The following METAP1D variants were observed in gnomAD, a reference collection of about 807,000 sequenced individuals.
METAP1D encodes methionyl aminopeptidase type 1D, mitochondrial.
A neutral mutation model predicts 40.5 loss-of-function variants in METAP1D; 31 were observed. The observed-to-expected ratio is 0.77, with a 90% CI of 0.58 to 1.03. The LOEUF (loss-of-function observed/expected upper bound fraction) is 1.03. Ranked by LOEUF, METAP1D falls within the 50% of genes least tolerant of loss-of-function variation. The pLI is 0.00. For missense variants in METAP1D, 411 were observed against 420.7 expected, an observed-to-expected ratio of 0.98 and a Z score of 0.20; for synonymous variants, 151 against 146.4, an observed-to-expected ratio of 1.03 and a Z score of -0.22.
chr2:172,024,042 G>A (rs1206184599), intron 1 of METAP1D, among the ~76,000 whole-genome samples: 1 of 151,960 alleles, frequency 6.6e-6, no homozygotes, highest in Non-Finnish European at 1.5e-5. Context: ...TGTATTTTTA[G>A]TAGAGATGGG....
At chr2:172,072,885 A>G (rs13036209) in intron 6 of METAP1D, among the ~76,000 whole-genome samples, 2 of 151,600 alleles carry the variant, frequency 1.3e-5, no homozygotes, top group African/African-American at 4.8e-5. Flanking sequence ...ATTCTCTGAC[A>G]CCATCTACAC....
chr2:172,011,326 C>T (rs1218610516), intron 1 of METAP1D, among the ~76,000 whole-genome samples: 1 of 150,966 alleles, frequency 6.6e-6, no homozygotes, highest in African/African-American at 2.4e-5. Flanking sequence ...ACTCTGTCGC[C>T]CAGGCTGGAG....
At chr2:172,033,553 A>G (rs548270904) in intron 1 of METAP1D, among the ~76,000 whole-genome samples, 1 of 151,992 alleles carries the variant, frequency 6.6e-6, no homozygotes, top group East Asian at 1.9e-4. Context: ...GCAAGGTTTC[A>G]CTACGTTGGC....
At position 172,044,404 on chromosome 2, in the gene METAP1D, CAAAAAAAA is replaced by C. The variant is rs782088377; in HGVS notation, c.41-17079_41-17072del. On this transcript the variant is annotated intron_variant, in intron 1 of 9. Coordinates refer to ENST00000315796, the MANE Select transcript of METAP1D (RefSeq NM_199227.3). ...TGAAACCCTGTCTCTCTTAAAAATA[CAAAAAAAA>C]AAAAAAAAAAAAAACCCAAAACAAA... is the stretch of plus-strand genomic sequence containing the variant. Among the ~76,000 whole-genome samples, 2 of 69,182 alleles carry C rather than the reference CAAAAAAAA, an allele frequency of 2.9e-5. 1 individual carries two copies. Among genetic ancestry groups the C allele is most frequent in the Non-Finnish European group, 6.6e-5 (2 of 30,312 alleles). 45.4% of individuals were successfully genotyped at this position (69,182 alleles called of 152,430 possible).
At chr2:172,065,033 A>G (rs1690219218) in intron 3 of METAP1D, among the ~76,000 whole-genome samples, 1 of 152,214 alleles carries the variant, frequency 6.6e-6, no homozygotes, top group Non-Finnish European at 1.5e-5. Context: ...AATTACATTT[A>G]TTTAGACATG....
At chr2:172,060,533 T>TTA (rs1246734108) in intron 1 of METAP1D, among the ~76,000 whole-genome samples, 1 of 152,178 alleles carries the variant, frequency 6.6e-6, no homozygotes, top group African/African-American at 2.4e-5. Flanking sequence ...ACGTGCAAGC[T>TTA]TATATAAATG....
At chr2:172,013,147 G>C (rs1688767637) in intron 1 of METAP1D, among the ~76,000 whole-genome samples, 1 of 152,168 alleles carries the variant, frequency 6.6e-6, no homozygotes, top group Non-Finnish European at 1.5e-5. Context: ...GCAACTCTCA[G>C]AGCCCATCCA....
At chr2:172,013,230 C>T (rs913085883) in intron 1 of METAP1D, among the ~76,000 whole-genome samples, 5 of 152,310 alleles carry the variant, frequency 3.3e-5, no homozygotes, top group East Asian at 1.9e-4. Flanking sequence ...CTTCTGTCCC[C>T]GGCTTCGTTG....
At chr2:172,007,517 T>A (rs1688614990) in intron 1 of METAP1D, among the ~76,000 whole-genome samples, 1 of 152,190 alleles carries the variant, frequency 6.6e-6, no homozygotes, top group African/African-American at 2.4e-5. Context: ...CTGTTAGTTC[T>A]AGGGGGTGGC....
intron 1 of METAP1D, among the ~76,000 whole-genome samples, chr2:172,025,078 G>A (rs1217987718): frequency 6.6e-6 from 1 of 152,168 alleles, no homozygotes; most frequent in Non-Finnish European, 1.5e-5. Context: ...TTTTGTGTAT[G>A]TAGGAATCAT....
At chr2:172,074,781 T>G (rs1690505561) in intron 6 of METAP1D, among the ~76,000 whole-genome samples, 1 of 152,200 alleles carries the variant, frequency 6.6e-6, no homozygotes, top group Non-Finnish European at 1.5e-5. Context: ...TCATAACTTA[T>G]GAAATAACAT....
rs193046971 is a variant in METAP1D, at chr2:172,002,727, G to A, written c.40+2718G>A. Among the ~76,000 whole-genome samples the A allele has an allele frequency of 2.3e-4, 35 of 152,112 alleles. No individual in the cohort carries two copies. The East Asian group carries it at 6.6e-3, about 29-fold the overall frequency. ...AATTGAAAATGAAGGGTAAATTCAC[G>A]AAGACTCCTCTCTCCACCCTCTTCC... is the stretch of plus-strand genomic sequence containing the variant. On this transcript the variant is annotated intron_variant, in intron 1 of 9. Transcript: ENST00000315796.
intron 1 of METAP1D, among the ~76,000 whole-genome samples, chr2:172,017,868 C>T (rs548709894): frequency 6.6e-6 from 1 of 152,088 alleles, no homozygotes; most frequent in African/African-American, 2.4e-5. Flanking sequence ...GTGGCTTACA[C>T]CTGTAATCCC....
chr2:172,032,931 C>A (rs745791183), intron 1 of METAP1D, among the ~76,000 whole-genome samples: 17 of 152,008 alleles, frequency 1.1e-4, no homozygotes, highest in Admixed American at 5.2e-4. Flanking sequence ...TGGTGGCGGG[C>A]GTCTGTAGTC....
intron 1 of METAP1D, among the ~76,000 whole-genome samples, chr2:172,038,523 G>C (rs1335176386): frequency 6.6e-6 from 1 of 152,084 alleles, no homozygotes; most frequent in Non-Finnish European, 1.5e-5. Flanking sequence ...CTGTGACCGA[G>C]ACCAAATTTT....
Position 172,080,545 on chromosome 2 carries a change from G to A in METAP1D, c.*139G>A, listed in dbSNP as rs562385841. On this transcript the variant is annotated 3_prime_UTR_variant, in exon 10 of 10. Transcript: ENST00000315796. Reference sequence around the variant, plus strand: ...GGCTCCTGATAGCGTTTGGAAGAACGCGGGGGAGACTGAAGAGCAACTGGG... The same window carrying A: ...GGCTCCTGATAGCGTTTGGAAGAACACGGGGGAGACTGAAGAGCAACTGGG... 2 of 864,862 alleles carry A rather than the reference G, an allele frequency of 2.3e-6. No individual in the cohort carries two copies. Among genetic ancestry groups the A allele is most frequent in the Non-Finnish European group, 3.7e-6 (2 of 547,176 alleles). The allele number at this position is 864,862 out of a possible 1,614,324, so 53.6% of individuals were successfully genotyped here.
chr2:172,082,379 G>A lies in METAP1D; in HGVS notation c.*1973G>A, dbSNP rs2105512929. ...TGTGCAGCAATTATTTTGAGGTGGA[G>A]GTATTTATGGGACAAGTTTATAATT... On this transcript the variant is annotated 3_prime_UTR_variant, in exon 10 of 10. Transcript: ENST00000315796. 6.6e-6 allele frequency: 1 copy of A among 152,350 alleles called. No individual in the cohort carries two copies. Among genetic ancestry groups the A allele is most frequent in the East Asian group, 1.9e-4 (1 of 5,188 alleles). The allele number at this position is 152,350 out of a possible 1,614,324, so 9.4% of individuals were successfully genotyped here.
chr2:172,018,525 A>T (rs1469223270), intron 1 of METAP1D, among the ~76,000 whole-genome samples: 1 of 152,174 alleles, frequency 6.6e-6, no homozygotes, highest in Non-Finnish European at 1.5e-5. Context: ...TCCAGATCTC[A>T]TACTCTACAA....
At chr2:172,017,751 G>A (rs1219899951) in intron 1 of METAP1D, among the ~76,000 whole-genome samples, 1 of 152,126 alleles carries the variant, frequency 6.6e-6, no homozygotes, top group East Asian at 1.9e-4. Flanking sequence ...ATAAGACCCA[G>A]TGAACTGTTT....
Sources: allele counts gnomAD v4.1 joint callset (sites outside exome capture counted in the v4.1 genomes callset), GRCh38; gene constraint gnomAD v4.1.1; transcripts MANE v1.5; gene names NCBI Gene and HGNC (gene_info 2026-07-23, HGNC 2026-07-21).